The following SNX31 variants were observed in gnomAD, a reference collection of about 807,000 sequenced individuals.
The protein encoded by SNX31 is sorting nexin 31.
A neutral mutation model predicts 65.4 loss-of-function variants in SNX31; 58 were observed. That is an observed-to-expected ratio of 0.89 (90% CI 0.72 to 1.10). The LOEUF (loss-of-function observed/expected upper bound fraction) is 1.10, where lower values mean the gene tolerates loss of function less well. Ranked by LOEUF, SNX31 falls within the 50% of genes least tolerant of loss-of-function variation. SNX31 has a pLI of 0.00. For synonymous variants in SNX31, 181 were observed against 190.1 expected (o/e 0.95, Z 0.39); for missense variants, 523 against 529.7 (o/e 0.99, Z 0.12).
rs1175055632 is a variant in SNX31, at chr8:100,588,770, G to A, written c.1092+96C>T. 5.0e-6 allele frequency: 4 copies of A among 800,018 alleles called. No individual in the cohort carries two copies. The highest frequency in any genetic ancestry group is 3.4e-5 in the African/African-American group (2 of 58,376). The allele number at this position is 800,018 out of a possible 1,614,324, so 49.6% of individuals were successfully genotyped here. A position where few individuals can be genotyped will look rare whatever the true frequency, so the allele number is the denominator to read the frequency against. ...AGTGCATAGAACACTTTAGGGTCCT[G>A]CTCTAGTTGGGTTAGGGTCATGTGC... On this transcript the variant is annotated intron_variant, in intron 11 of 13. Coordinates refer to ENST00000311812, the MANE Select transcript of SNX31 (RefSeq NM_152628.4). The surrounding 1 kb of genome is among the most constrained non-coding windows in gnomAD (Gnocchi z 4.8).
At position 100,612,894 on chromosome 8, in the gene SNX31, G is replaced by A; in HGVS notation, c.523+101C>T. On this transcript the variant is annotated intron_variant, in intron 6 of 13. Transcript: ENST00000311812. This position sits in a 1 kb window ranked among gnomAD's most constrained non-coding sequence, Gnocchi z 4.3. ...ACTGAGAACAGTGGTAGGGATCACA[G>A]CCCAGTGGGTGGCCAGCCCCTCAGC... 1.0e-6 allele frequency: 1 copy of A among 961,436 alleles called. No homozygotes were observed. Among genetic ancestry groups the A allele is most frequent in the Non-Finnish European group, 1.7e-6 (1 of 590,900 alleles). The allele number at this position is 961,436 out of a possible 1,614,324, so 59.6% of individuals were successfully genotyped here.
Position 100,614,130 on chromosome 8 carries a change from G to A in SNX31, c.433-1045C>T, listed in dbSNP as rs1393351521. 6.6e-6 allele frequency among the ~76,000 whole-genome samples: 1 copy of A among 152,162 alleles called. No individual in the cohort carries two copies. Among genetic ancestry groups the A allele is most frequent in the Non-Finnish European group, 1.5e-5 (1 of 68,030 alleles). ...AGCTTTGAAAATAAAGAGCAGCTGA[G>A]GAATAGTTTCACCACTTTCAAAGCA... is the stretch of plus-strand genomic sequence containing the variant. On this transcript the variant is annotated intron_variant, in intron 5 of 13. Coordinates refer to ENST00000311812, the MANE Select transcript of SNX31 (RefSeq NM_152628.4). The surrounding 1 kb of genome is among the most constrained non-coding windows in gnomAD (Gnocchi z 5.1).
chr8:100,581,502 ATTAAG>A (rs765274887), intron 12 of SNX31, among the ~76,000 whole-genome samples: 1 of 152,084 alleles, frequency 6.6e-6, no homozygotes, highest in African/African-American at 2.4e-5. Context: ...AACAAAGCTA[ATTAAG>A]TTAACAATAC....
At chr8:100,577,174 T>C in intron 12 of SNX31, 99 bp from the exon 13 acceptor site, 5 of 1,049,994 alleles carry the variant, frequency 4.8e-6, no homozygotes, top group Non-Finnish European at 7.1e-6. Flanking sequence ...GATAATCCTC[T>C]TAATCGTCCC....
At position 100,612,181 on chromosome 8, in the gene SNX31, G is replaced by A; in HGVS notation, c.524-94C>T. The stretch of plus-strand genomic sequence containing the variant: ...AATGAGAAAATAAAACCTTATTATT[G>A]GAAATAATAAAATCACAGTAAGAAT... On this transcript the variant is annotated intron_variant, in intron 6 of 13. Transcript: ENST00000311812. The surrounding 1 kb of genome is among the most constrained non-coding windows in gnomAD (Gnocchi z 4.3). 4 of 735,870 alleles carry A rather than the reference G, an allele frequency of 5.4e-6. No homozygotes were observed. The highest frequency in any genetic ancestry group is 2.6e-5 in the East Asian group (1 of 38,076). 45.6% of individuals were successfully genotyped at this position (735,870 alleles called of 1,614,324 possible). A position where few individuals can be genotyped will look rare whatever the true frequency, so the allele number is the denominator to read the frequency against.
At chr8:100,607,184 G>T (rs1167375423) in intron 8 of SNX31, among the ~76,000 whole-genome samples, 1 of 152,210 alleles carries the variant, frequency 6.6e-6, no homozygotes, top group Non-Finnish European at 1.5e-5. Flanking sequence ...CCACCACCCT[G>T]CCTGCTGCCT....
intron 12 of SNX31, among the ~76,000 whole-genome samples, chr8:100,581,980 C>A (rs760099883): frequency 5.3e-5 from 8 of 152,078 alleles, no homozygotes; most frequent in Non-Finnish European, 8.8e-5. Context: ...CTCTTGGAAA[C>A]CCAATTTTCA....
chr8:100,613,460 C>T lies in SNX31; in HGVS notation c.433-375G>A, dbSNP rs908188847. 6.6e-6 allele frequency among the ~76,000 whole-genome samples: 1 copy of T among 152,126 alleles called. No individual in the cohort carries two copies. Among genetic ancestry groups the T allele is most frequent in the Non-Finnish European group, 1.5e-5 (1 of 68,026 alleles). On this transcript the variant is annotated intron_variant, in intron 5 of 13. Transcript: ENST00000311812. The surrounding 1 kb of genome is among the most constrained non-coding windows in gnomAD (Gnocchi z 5.2). ...CCTTCTGTGATGTCTGTCCCTGGAACCTGCACACTAGTTTACCTTCCTGTG... is the reference window on the plus strand; with the variant it reads ...CCTTCTGTGATGTCTGTCCCTGGAATCTGCACACTAGTTTACCTTCCTGTG...
rs530736665 is a variant in SNX31, at chr8:100,641,793, T to A, written c.142-5782A>T. Among the ~76,000 whole-genome samples the A allele has an allele frequency of 2.7e-5, 4 of 149,428 alleles. No homozygotes were observed. The South Asian group carries it at 8.5e-4, about 32-fold the overall frequency. On this transcript the variant is annotated intron_variant, in intron 2 of 13. Transcript: ENST00000311812. ...TACGATTAAACCTAGTATAAAATAT[T>A]ATAGGCCGGGCGTGGTGGCTCACGC...
intron 8 of SNX31, among the ~76,000 whole-genome samples, chr8:100,602,797 A>G (rs910474982): frequency 7.9e-5 from 12 of 152,226 alleles, no homozygotes; most frequent in African/African-American, 2.9e-4. Context: ...AAGACATTTC[A>G]TCATACTACT....
chr8:100,595,739 T>C (rs1263976990), intron 10 of SNX31, among the ~76,000 whole-genome samples: 2 of 152,146 alleles, frequency 1.3e-5, no homozygotes, highest in African/African-American at 2.4e-5. Flanking sequence ...ACTCGTCTGC[T>C]TCAGGGAAAG....
intron 4 of SNX31, among the ~76,000 whole-genome samples, chr8:100,621,296 A>G (rs1817672743): frequency 6.6e-6 from 1 of 152,204 alleles, no homozygotes; most frequent in Non-Finnish European, 1.5e-5. Context: ...CCAGTGTGAT[A>G]ACTGCAGCAC....
At chr8:100,621,104 A>T (rs900125116) in intron 4 of SNX31, among the ~76,000 whole-genome samples, 6 of 152,192 alleles carry the variant, frequency 3.9e-5, no homozygotes, top group Admixed American at 3.3e-4. Flanking sequence ...AGATTGCACC[A>T]CTGCACTCCA....
rs774089013 is a variant in SNX31, at chr8:100,648,431, G to A, written c.141+843C>T. ...TCCTGCCTCAGTCTCCCAAAGTATT[G>A]GGATTACAAGCATGAGCCACGGTGC... is the stretch of plus-strand genomic sequence containing the variant. On this transcript the variant is annotated intron_variant, in intron 2 of 13. Transcript: ENST00000311812. The surrounding 1 kb of genome is among the most constrained non-coding windows in gnomAD (Gnocchi z 4.3). Among the ~76,000 whole-genome samples, 1 of 150,666 alleles carries A rather than the reference G, an allele frequency of 6.6e-6. No homozygotes were observed. The highest frequency in any genetic ancestry group is 1.5e-5 in the Non-Finnish European group (1 of 67,870).
chr8:100,634,501 C>T (rs1207041933), intron 3 of SNX31, among the ~76,000 whole-genome samples: 2 of 151,616 alleles, frequency 1.3e-5, no homozygotes, highest in Non-Finnish European at 2.9e-5. Context: ...AATCCCAGTA[C>T]TTTGGGAAGC....
rs1813096879 is a variant in SNX31 at position 100,576,980 on chromosome 8, AAATTATAATGTACC to A, written c.1227+25_1227+38del. On this transcript the variant is annotated intron_variant, in intron 13 of 13. Coordinates refer to ENST00000311812, the MANE Select transcript of SNX31 (RefSeq NM_152628.4). This position sits in a 1 kb window ranked among gnomAD's most constrained non-coding sequence, Gnocchi z 4.8. ...AGAGGAAAAAAGATCAGATTTATCA[AAATTATAATGTACC>A]AATTACATAATTTTACTCACAGACC... 1.3e-6 allele frequency: 2 copies of A among 1,514,282 alleles called. No homozygotes were observed. Among genetic ancestry groups the A allele is most frequent in the Non-Finnish European group, 1.8e-6 (2 of 1,098,058 alleles). The allele number at this position is 1,514,282 out of a possible 1,614,324, so 93.8% of individuals were successfully genotyped here.
chr8:100,608,163 T>A (rs934309047), intron 8 of SNX31, among the ~76,000 whole-genome samples: 125 of 152,374 alleles, frequency 8.2e-4, no homozygotes, highest in South Asian at 3.5e-3. Context: ...GTTATCGTGG[T>A]AAAATATATA....
rs1018914097 is a variant in SNX31 at position 100,660,711 on chromosome 8, T to G, written c.-58+2431A>C. 3.3e-5 allele frequency among the ~76,000 whole-genome samples: 5 copies of G among 152,234 alleles called. No individual in the cohort carries two copies. Among genetic ancestry groups the G allele is most frequent in the African/African-American group, 1.2e-4 (5 of 41,466 alleles). On this transcript the variant is annotated intron_variant, in intron 1 of 5. Coordinates refer to the SNX31 transcript ENST00000520352. This position sits in a 1 kb window ranked among gnomAD's most constrained non-coding sequence, Gnocchi z 4.1. The stretch of plus-strand genomic sequence containing the variant: ...CTGGCCTGGGCCTGTCAAACTCCAG[T>G]GTACTTGCTCTGAATCCCTCCTCTC...
upstream of SNX31, among the ~76,000 whole-genome samples, chr8:100,649,942 T>A (rs1461358865): frequency 6.6e-6 from 1 of 152,272 alleles, no homozygotes; most frequent in African/African-American, 2.4e-5. Context: ...AGCAGAGTTA[T>A]GTTTGGTCAG....
Sources: gnomAD v4.1 joint callset for allele counts (sites outside exome capture counted in the v4.1 genomes callset) on GRCh38, gnomAD v4.1.1 for gene constraint, Gnocchi (gnomAD v3.1) non-coding constraint, MANE v1.5 for transcripts, NCBI Gene and HGNC (gene_info 2026-07-23, HGNC 2026-07-21) for gene names.